Variants in SP140 observed in about 807,000 individuals in gnomAD.
The protein encoded by SP140 is SP140 nuclear body protein.
A neutral mutation model predicts 125.0 loss-of-function variants in SP140; 81 were observed. The observed-to-expected ratio is 0.65, with a 90% CI of 0.54 to 0.78. The LOEUF is 0.78. Ranked by LOEUF, SP140 falls within the 30% of genes least tolerant of loss-of-function variation. SP140 has a pLI of 0.00. For missense variants in SP140, 858 were observed against 1,037.0 expected (o/e 0.83, Z 2.37); for synonymous variants, 312 against 354.0 (o/e 0.88, Z 1.33).
the SP140 span, among the ~76,000 whole-genome samples, chr2:230,192,777 T>C: frequency 1.3e-5 from 2 of 152,176 alleles, no homozygotes; most frequent in Non-Finnish European, 2.9e-5. Context: ...TATTGAGACT[T>C]GTTTTGTGGC....
upstream of SP140, chr2:230,202,531 C>A (rs752091011): frequency 6.3e-7 from 1 of 1,593,422 alleles, no homozygotes; most frequent in Admixed American, 1.7e-5. Flanking sequence ...CAGGAGAGAC[C>A]CTCCCACACT....
chr2:230,245,919 T>A lies in SP140; in HGVS notation c.721T>A (p.Leu241Ile). 6.2e-7 allele frequency: 1 copy of A among 1,602,184 alleles called. No individual in the cohort carries two copies. Among genetic ancestry groups the A allele is most frequent in the South Asian group, 1.1e-5 (1 of 90,838 alleles). The change falls in exon 7 of 27, where the codon TTA becomes ATA. Residue 241 changes from leucine to isoleucine, a missense_variant. Around this residue, in one of 4 missense-constraint regions of SP140, gnomAD observed 791 missense variants for 869.5 expected, o/e 0.91. Transcript: ENST00000392045. ...AGGAGAATCAGAAGAAATGCCCAAG[T>A]TACTGCCTTATGATACAGAAGGTAA... ...DEGESEEMPK[L>I]LPYDTEVLES...
intron 1 of SP140, among the ~76,000 whole-genome samples, chr2:230,226,300 C>T (rs1238805630): frequency 3.9e-5 from 6 of 152,148 alleles, no homozygotes; most frequent in Non-Finnish European, 7.3e-5. Flanking sequence ...ATCCAAACGC[C>T]TGTCTGTTGT....
At chr2:230,304,193 C>A (rs908633649) in intron 22 of SP140, among the ~76,000 whole-genome samples, 1 of 152,160 alleles carries the variant, frequency 6.6e-6, no homozygotes, top group Admixed American at 6.5e-5. Flanking sequence ...ATGTACCTAA[C>A]CACAGAGATG....
the SP140 span, among the ~76,000 whole-genome samples, chr2:230,196,773 A>G: frequency 6.7e-6 from 1 of 149,436 alleles, no homozygotes; most frequent in South Asian, 2.1e-4. Flanking sequence ...ATTCCCACCT[A>G]TGAGTGAGAA....
At chr2:230,218,411 G>T (rs1376248221) in intron 3 of SP140, among the ~76,000 whole-genome samples, 1 of 152,132 alleles carries the variant, frequency 6.6e-6, no homozygotes, top group Non-Finnish European at 1.5e-5. Flanking sequence ...GAGAGTCTGT[G>T]GTGGTAAAGA....
chr2:230,310,045 T>G lies in SP140; in HGVS notation c.2174+6T>G. 1 of 1,613,648 alleles carries G rather than the reference T, an allele frequency of 6.2e-7. No individual in the cohort carries two copies. The highest frequency in any genetic ancestry group is 8.5e-7 in the Non-Finnish European group (1 of 1,179,550). ...CCGCCTGTGGAAGCTGAGAGGTAAG[T>G]GACATGCAGGCGTCTCTCTTTTTGT... On this transcript the variant is annotated splice_donor_region_variant and intron_variant, in intron 23 of 26. Coordinates refer to ENST00000392045, the MANE Select transcript of SP140 (RefSeq NM_007237.5).
At chr2:230,305,583 G>A (rs374413167) in intron 22 of SP140, among the ~76,000 whole-genome samples, 224 of 152,380 alleles carry the variant, frequency 1.5e-3, no homozygotes, top group Non-Finnish European at 2.5e-3. Flanking sequence ...CCCGTAGGGC[G>A]TGGTCAGGCA....
rs952162649 is a variant in SP140, at chr2:230,259,944, C to T, written c.1240+4412C>T. 5.3e-5 allele frequency among the ~76,000 whole-genome samples: 8 copies of T among 151,988 alleles called. 1 individual carries two copies. The highest frequency in any genetic ancestry group is 1.0e-4 in the Non-Finnish European group (7 of 67,996). On this transcript the variant is annotated intron_variant, in intron 12 of 26. Transcript: ENST00000392045. Reference sequence around the variant, plus strand: ...TTTTCGAATAATGACTTCTTTTCCTCTGGATAGATACCCAGTAGTGGGATT... The same window carrying T: ...TTTTCGAATAATGACTTCTTTTCCTTTGGATAGATACCCAGTAGTGGGATT...
chr2:230,283,580 C>G (rs375712244), intron 15 of SP140, among the ~76,000 whole-genome samples: 2 of 152,160 alleles, frequency 1.3e-5, no homozygotes, highest in Admixed American at 1.3e-4. Flanking sequence ...CCACTTTTGT[C>G]CTGGTCACTA....
rs2058221304 is a variant in SP140 at position 230,300,867 on chromosome 2, T to A, written c.2058+3405T>A. Among the ~76,000 whole-genome samples, 4 of 152,244 alleles carry A rather than the reference T, an allele frequency of 2.6e-5. No homozygotes were observed. In the South Asian group the frequency reaches 6.2e-4, roughly 24 times the overall value. On this transcript the variant is annotated intron_variant, in intron 22 of 26. Transcript: ENST00000392045. ...TTCAGCTACTCAAGGAGACACCAGA[T>A]AAAGGTGTAAACCAACTTAAAGGAA...
chr2:230,250,809 A>T (rs72988209), intron 9 of SP140, among the ~76,000 whole-genome samples, 172 bp from the exon 10 acceptor site: 12,189 of 152,246 alleles, frequency 0.08, 720 homozygotes, highest in South Asian at 0.19. Context: ...CCTTGGTGAC[A>T]GCAACTGGAG....
chr2:230,310,397 G>T, intron 23 of SP140: 2 of 497,918 alleles, frequency 4.0e-6, no homozygotes, highest in Admixed American at 3.5e-5. Context: ...CGATCTCATT[G>T]GGCTGTTGGA....
At chr2:230,242,573 T>A (rs1019767975) in intron 4 of SP140, among the ~76,000 whole-genome samples, 1 of 152,190 alleles carries the variant, frequency 6.6e-6, no homozygotes. Flanking sequence ...TACACTTGAT[T>A]TTTTTCAAGA....
At chr2:230,284,702 C>G (rs1259508332) in intron 16 of SP140, among the ~76,000 whole-genome samples, 1 of 152,070 alleles carries the variant, frequency 6.6e-6, no homozygotes, top group Non-Finnish European at 1.5e-5. Flanking sequence ...AAAGACATTC[C>G]TAAGAGGGCT....
chr2:230,311,041 C>G (rs1425019010), intron 24 of SP140, 113 bp from the exon 25 acceptor site: 2 of 1,566,842 alleles, frequency 1.3e-6, no homozygotes, highest in Non-Finnish European at 1.7e-6. Context: ...TTCCAAGAGC[C>G]ACACATGTTA....
chr2:230,306,453 A>C (rs999470056), intron 22 of SP140, among the ~76,000 whole-genome samples: 1 of 152,326 alleles, frequency 6.6e-6, no homozygotes, highest in Admixed American at 6.5e-5. Context: ...GCCTCTCCCA[A>C]ATTGGCAGGG....
At chr2:230,209,422 G>A (rs1468598031) in intron 1 of SP140, among the ~76,000 whole-genome samples, 1 of 152,080 alleles carries the variant, frequency 6.6e-6, no homozygotes, top group African/African-American at 2.4e-5. Flanking sequence ...GGAAATTATT[G>A]GATGATATTG....
intron 15 of SP140, among the ~76,000 whole-genome samples, chr2:230,272,355 C>T (rs992476651): frequency 6.6e-5 from 10 of 152,126 alleles, no homozygotes; most frequent in Admixed American, 2.6e-4. Flanking sequence ...TTGGCTGTGT[C>T]CCCACTCAAA....
Sources: allele counts gnomAD v4.1 joint callset (sites outside exome capture counted in the v4.1 genomes callset), GRCh38; gene constraint gnomAD v4.1.1; regional missense constraint gnomAD v4.1.1; transcripts MANE v1.5; gene names NCBI Gene and HGNC (gene_info 2026-07-23, HGNC 2026-07-21).